POU3F3: variants seen among roughly 807,000 people sequenced by gnomAD.
The protein encoded by POU3F3 is POU domain, class 3, transcription factor 3.
Under a neutral mutation model 8.6 loss-of-function variants are expected in POU3F3, and 1 was observed. That is an observed-to-expected ratio of 0.12 (90% CI 0.04 to 0.55). The LOEUF is 0.55. Ranked by LOEUF, POU3F3 falls within the 20% of genes least tolerant of loss-of-function variation. POU3F3 has a pLI of 0.91. For synonymous variants in POU3F3, 418 were observed against 327.4 expected, an observed-to-expected ratio of 1.28 and a Z score of -2.99; for missense variants, 577 against 690.7, an observed-to-expected ratio of 0.84 and a Z score of 1.84.
chr2:104,873,873 A>G, the POU3F3 span, among the ~76,000 whole-genome samples: 1 of 152,192 alleles, frequency 6.6e-6, no homozygotes, highest in African/African-American at 2.4e-5. Flanking sequence ...CCAGCCTTGC[A>G]TGCCTTCGGG....
chr2:104,855,734 G>T lies in POU3F3; in HGVS notation c.224G>T (p.Ser75Ile). The T allele has an allele frequency of 7.7e-7, 1 of 1,300,986 alleles. No individual in the cohort carries two copies. Among genetic ancestry groups the T allele is most frequent in the Non-Finnish European group, 1.0e-6 (1 of 1,000,774 alleles). The allele number at this position is 1,300,986 out of a possible 1,614,324, so 80.6% of individuals were successfully genotyped here. A position where few individuals can be genotyped will look rare whatever the true frequency, so the allele number is the denominator to read the frequency against. Residue 75 changes from serine to isoleucine, a missense_variant, in exon 1 of 1, where the codon AGC becomes ATC. This residue lies in a region of POU3F3 where 484 missense variants were observed against 422.6 expected (regional missense o/e 1.15). Coordinates refer to ENST00000361360, the MANE Select transcript of POU3F3 (RefSeq NM_006236.3). ...CCGTCCTCTGTCAAGATGGTCCAGA[G>T]CGACTTCATGCAGGGGGCCATGGCC... ...GDPSSVKMVQ[S>I]DFMQGAMAAS...
the POU3F3 span, among the ~76,000 whole-genome samples, chr2:104,916,362 C>G: frequency 8.5e-4 from 130 of 152,228 alleles, no homozygotes; most frequent in African/African-American, 3.1e-3. Context: ...AAGAAATGAA[C>G]CCAATGCTTA....
At chr2:104,905,865 G>C in the POU3F3 span, among the ~76,000 whole-genome samples, 1 of 152,174 alleles carries the variant, frequency 6.6e-6, no homozygotes, top group Non-Finnish European at 1.5e-5. Context: ...CAAACATCCT[G>C]TTTCCAAATA....
the POU3F3 span, among the ~76,000 whole-genome samples, chr2:104,885,963 AT>A: frequency 2.6e-5 from 4 of 151,876 alleles, no homozygotes; most frequent in Admixed American, 2.6e-4. Context: ...CGCCCGGCTA[AT>A]TTTTGTATTT....
the POU3F3 span, among the ~76,000 whole-genome samples, chr2:104,905,971 A>G: frequency 6.6e-6 from 1 of 152,206 alleles, no homozygotes; most frequent in Non-Finnish European, 1.5e-5. Context: ...TTGGCTGGTG[A>G]TAGCCTTTGA....
the POU3F3 span, among the ~76,000 whole-genome samples, chr2:104,898,745 T>A: frequency 6.6e-6 from 1 of 152,228 alleles, no homozygotes; most frequent in African/African-American, 2.4e-5. Flanking sequence ...TAGAATGAGA[T>A]CATTTCCCAA....
chr2:104,861,877 G>GGT (rs1286710234), downstream of POU3F3, among the ~76,000 whole-genome samples: 2 of 152,290 alleles, frequency 1.3e-5, no homozygotes, highest in African/African-American at 4.8e-5. Flanking sequence ...TGACCTCCTG[G>GGT]GTGCAGGATC....
the POU3F3 span, among the ~76,000 whole-genome samples, chr2:104,880,507 A>G: frequency 6.6e-6 from 1 of 152,052 alleles, no homozygotes; most frequent in South Asian, 2.1e-4. Flanking sequence ...CCTGTGCCCA[A>G]CCATGCTGCA....
chr2:104,871,667 C>T, the POU3F3 span, among the ~76,000 whole-genome samples: 1 of 152,142 alleles, frequency 6.6e-6, no homozygotes, highest in South Asian at 2.1e-4. Context: ...CACATTTCCC[C>T]CCTGCTTTTG....
At chr2:104,921,666 AT>A in the POU3F3 span, among the ~76,000 whole-genome samples, 2 of 152,018 alleles carry the variant, frequency 1.3e-5, no homozygotes, top group Non-Finnish European at 2.9e-5. Flanking sequence ...CATCTTTCCT[AT>A]TTTGGGAGCC....
Position 104,855,777 on chromosome 2 carries a change from T to C in POU3F3, c.267T>C (p.His89=), listed in dbSNP as rs1676548376. The change falls in exon 1 of 1, where the codon CAT becomes CAC. Residue 89 remains histidine, a synonymous_variant. Transcript: ENST00000361360. ...QGAMAASNGG[H]MLSHAHQWVT... ...CCATGGCCGCCAGCAACGGCGGCCA[T>C]ATGCTGAGCCACGCGCACCAGTGGG... 2.3e-6 allele frequency: 3 copies of C among 1,316,260 alleles called. No homozygotes were observed. Among genetic ancestry groups the C allele is most frequent in the East Asian group, 4.6e-5 (1 of 21,866 alleles). The allele number at this position is 1,316,260 out of a possible 1,614,324, so 81.5% of individuals were successfully genotyped here.
chr2:104,915,359 T>A, the POU3F3 span, among the ~76,000 whole-genome samples: 377 of 152,280 alleles, frequency 2.5e-3, 1 homozygote, highest in African/African-American at 8.7e-3. Flanking sequence ...TTCAGCTGAA[T>A]ATGAGTAGTG....
the POU3F3 span, among the ~76,000 whole-genome samples, chr2:104,912,744 C>G: frequency 1.3e-5 from 2 of 152,214 alleles, no homozygotes; most frequent in African/African-American, 2.4e-5. Context: ...GGGGACACCT[C>G]TTGCCTGCCA....
At position 104,857,179 on chromosome 2, in the gene POU3F3, G is replaced by A. The variant is rs1366827435; in HGVS notation, c.*166G>A. 5.4e-6 allele frequency: 4 copies of A among 741,210 alleles called. No individual in the cohort carries two copies. The highest frequency in any genetic ancestry group is 1.9e-5 in the African/African-American group (1 of 52,072). The allele number at this position is 741,210 out of a possible 1,614,324, so 45.9% of individuals were successfully genotyped here. A position where few individuals can be genotyped will look rare whatever the true frequency, so the allele number is the denominator to read the frequency against. ...GGGCTCCAGCCCAGGCCCATCCGCC[G>A]CCCTCCCCTCCACCCAGAGACAGGC... On this transcript the variant is annotated 3_prime_UTR_variant, in exon 1 of 1. Coordinates refer to ENST00000361360, the MANE Select transcript of POU3F3 (RefSeq NM_006236.3).
At chr2:104,925,967 G>A in the POU3F3 span, 1 of 152,222 alleles carries the variant, frequency 6.6e-6, no homozygotes, top group Non-Finnish European at 1.5e-5. Flanking sequence ...CTGGAGATTT[G>A]GAAGTCCAAG....
the POU3F3 span, among the ~76,000 whole-genome samples, chr2:104,918,909 A>G: frequency 6.8e-6 from 1 of 146,724 alleles, no homozygotes; most frequent in Non-Finnish European, 1.5e-5. Flanking sequence ...ATGGAGTTTC[A>G]AGCCCAGGCT....
At position 104,858,062 on chromosome 2, in the gene POU3F3, TTTTTTTATTAATA is replaced by T. The variant is rs1207432141; in HGVS notation, c.*1059_*1071del. On this transcript the variant is annotated 3_prime_UTR_variant, in exon 1 of 1. Transcript: ENST00000361360. ...TGCCTAAAGATTCCACCGCTAATAT[TTTTTTTATTAATA>T]TTTTTTATTTTTTATTTCTGGACTG... The T allele has an allele frequency of 6.6e-6, 1 of 152,102 alleles. No homozygotes were observed. Among genetic ancestry groups the T allele is most frequent in the African/African-American group, 2.4e-5 (1 of 41,430 alleles). 9.4% of individuals were successfully genotyped at this position (152,102 alleles called of 1,614,324 possible).
At chr2:104,893,156 C>A in the POU3F3 span, among the ~76,000 whole-genome samples, 3 of 152,334 alleles carry the variant, frequency 2.0e-5, 1 homozygote, top group South Asian at 6.2e-4. Flanking sequence ...CCCTCCAAGT[C>A]ACTCAATCAC....
At chr2:104,899,812 G>C in the POU3F3 span, among the ~76,000 whole-genome samples, 1 of 152,196 alleles carries the variant, frequency 6.6e-6, no homozygotes. Context: ...TGAACAGGGA[G>C]GGGACCGTGA....
Sources: gnomAD v4.1 joint callset for allele counts (sites outside exome capture counted in the v4.1 genomes callset) on GRCh38, gnomAD v4.1.1 for gene constraint, gnomAD v4.1.1 regional missense constraint, MANE v1.5 for transcripts, NCBI Gene and HGNC (gene_info 2026-07-23, HGNC 2026-07-21) for gene names.